The following CCDC83 variants were observed in gnomAD, a reference collection of about 807,000 sequenced individuals.
CCDC83 encodes the protein coiled-coil domain containing 83.
In CCDC83, 54 loss-of-function variants were observed where a neutral mutation model predicts 50.1. The observed-to-expected ratio is 1.08, with a 90% CI of 0.87 to 1.35. CCDC83 has a LOEUF of 1.35. Ranked by LOEUF, CCDC83 falls within the 40% of genes most tolerant of loss-of-function variation. The pLI is 0.00. For synonymous variants in CCDC83, 161 were observed against 153.3 expected (o/e 1.05, Z -0.37); for missense variants, 518 against 473.9 (o/e 1.09, Z -0.86).
intron 3 of CCDC83, 132 bp from the exon 4 acceptor site, chr11:85,882,381 T>C (rs1042801184): frequency 1.3e-6 from 1 of 741,530 alleles, no homozygotes; most frequent in Non-Finnish European, 2.3e-6. Context: ...TAATGTCTGA[T>C]GGAAGTAGAA....
At chr11:85,905,015 T>C (rs541294240) in intron 7 of CCDC83, among the ~76,000 whole-genome samples, 2 of 152,348 alleles carry the variant, frequency 1.3e-5, no homozygotes, top group African/African-American at 4.8e-5. Flanking sequence ...TTTTTAAGGC[T>C]GGGCATGTTG....
intron 2 of CCDC83, among the ~76,000 whole-genome samples, chr11:85,871,192 A>G (rs920589197): frequency 1.2e-4 from 19 of 152,144 alleles, no homozygotes; most frequent in African/African-American, 4.6e-4. Context: ...CAAACAAACA[A>G]TCTCTATAAT....
intron 5 of CCDC83, among the ~76,000 whole-genome samples, chr11:85,894,383 T>G (rs2135075930): frequency 6.6e-6 from 1 of 152,302 alleles, no homozygotes; most frequent in Non-Finnish European, 1.5e-5. Context: ...AAAGCACAAC[T>G]AATGGGAACA....
chr11:85,865,278 CT>C, intron 2 of CCDC83, 60 bp downstream of exon 2: 3 of 1,011,804 alleles, frequency 3.0e-6, no homozygotes, highest in Non-Finnish European at 4.7e-6. Flanking sequence ...ATTGTTAAGA[CT>C]CATATAACTG....
chr11:85,902,041 G>C (rs1172082307), intron 7 of CCDC83, among the ~76,000 whole-genome samples: 1 of 150,718 alleles, frequency 6.6e-6, no homozygotes, highest in Non-Finnish European at 1.5e-5. Flanking sequence ...AAAAAAGAAA[G>C]AAAAAAAGGG....
chr11:85,865,029 T>C, intron 1 of CCDC83, 67 bp from the exon 2 acceptor site: 1 of 779,612 alleles, frequency 1.3e-6, no homozygotes, highest in South Asian at 1.5e-5. Flanking sequence ...GTACCTTATC[T>C]AGAGTAAACA....
intron 7 of CCDC83, among the ~76,000 whole-genome samples, chr11:85,907,429 A>G (rs2093430693): frequency 6.6e-6 from 1 of 152,248 alleles, no homozygotes; most frequent in African/African-American, 2.4e-5. Flanking sequence ...CAAGGAAATT[A>G]CCATCAGGAT....
chr11:85,870,975 T>C (rs1486754032), intron 2 of CCDC83, among the ~76,000 whole-genome samples: 1 of 152,146 alleles, frequency 6.6e-6, no homozygotes, highest in Non-Finnish European at 1.5e-5. Context: ...AAGACCAGCC[T>C]GGCCAACATG....
chr11:85,891,162 G>T (rs1166884240), intron 5 of CCDC83, among the ~76,000 whole-genome samples: 1 of 152,128 alleles, frequency 6.6e-6, no homozygotes, highest in African/African-American at 2.4e-5. Flanking sequence ...ACTTCCCACA[G>T]AACAGTCCTT....
intron 1 of CCDC83, among the ~76,000 whole-genome samples, chr11:85,861,338 T>G (rs1164837946): frequency 3.3e-5 from 5 of 152,236 alleles, no homozygotes; most frequent in Non-Finnish European, 7.3e-5. Context: ...CCTTACAGTT[T>G]ATAGCTGAGA....
At position 85,865,223 on chromosome 11, in the gene CCDC83, G is replaced by C; in HGVS notation, c.95+5G>C. 6.4e-7 allele frequency: 1 copy of C among 1,552,076 alleles called. No individual in the cohort carries two copies. The highest frequency in any genetic ancestry group is 8.9e-7 in the Non-Finnish European group (1 of 1,124,858). Reference sequence around the variant, plus strand: ...TGAAGCACTTCTAGACTATCAGTAAGTTTTTATTCTGAAATCTGAAAGTTG... The same window carrying C: ...TGAAGCACTTCTAGACTATCAGTAACTTTTTATTCTGAAATCTGAAAGTTG... On this transcript the variant is annotated splice_donor_5th_base_variant and intron_variant, in intron 2 of 10. Coordinates refer to ENST00000342404, the MANE Select transcript of CCDC83 (RefSeq NM_001286159.2).
intron 2 of CCDC83, among the ~76,000 whole-genome samples, chr11:85,867,109 G>A (rs2093211826): frequency 6.6e-6 from 1 of 152,190 alleles, no homozygotes; most frequent in African/African-American, 2.4e-5. Flanking sequence ...AGGCTGGAGT[G>A]TAGTAGCCTG....
intron 2 of CCDC83, among the ~76,000 whole-genome samples, chr11:85,869,261 C>T (rs1273486752): frequency 6.6e-6 from 1 of 152,170 alleles, no homozygotes; most frequent in Non-Finnish European, 1.5e-5. Context: ...AACATAAGGT[C>T]ATGAACTTCT....
intron 10 of CCDC83, among the ~76,000 whole-genome samples, chr11:85,917,192 G>A (rs200201564): frequency 0.017 from 1,324 of 79,646 alleles, 13 homozygotes; most frequent in East Asian, 0.053. Flanking sequence ...AAGAAAGAAA[G>A]AGAAAGAAAG....
At chr11:85,860,397 C>A (rs1365824307) in intron 1 of CCDC83, among the ~76,000 whole-genome samples, 1 of 151,396 alleles carries the variant, frequency 6.6e-6, no homozygotes, top group South Asian at 2.1e-4. Flanking sequence ...AAAAAATGCT[C>A]ATCATCACTA....
intron 10 of CCDC83, among the ~76,000 whole-genome samples, chr11:85,918,663 A>G (rs2093494042): frequency 6.6e-6 from 1 of 152,214 alleles, no homozygotes; most frequent in African/African-American, 2.4e-5. Flanking sequence ...CCTGGGAGAA[A>G]AAAAACCCAC....
At chr11:85,884,689 A>G (rs2093318107) in intron 4 of CCDC83, among the ~76,000 whole-genome samples, 1 of 152,200 alleles carries the variant, frequency 6.6e-6, no homozygotes, top group South Asian at 2.1e-4. Flanking sequence ...ATGTGTTACT[A>G]GAAGGGAAGG....
At position 85,915,433 on chromosome 11, in the gene CCDC83, C is replaced by T. The variant is rs1238785329; in HGVS notation, c.809C>T (p.Thr270Ile). ...TGTTCTTTTAGGCGACTATATCTTA[C>T]CCAAGCTGCTGGACTAGAAGTGCCA... is the stretch of plus-strand genomic sequence containing the variant. The part of the protein sequence containing the change: ...DLKIPRRLYL[T>I]QAAGLEVPPE... Residue 270 changes from threonine to isoleucine, a missense_variant, in exon 9 of 11, where the codon ACC becomes ATC. By Grantham distance (89) the Thr-to-Ile change is moderately conservative. Coordinates refer to ENST00000342404, the MANE Select transcript of CCDC83 (RefSeq NM_001286159.2). 21 of 1,612,532 alleles carry T rather than the reference C, an allele frequency of 1.3e-5. No homozygotes were observed. Among genetic ancestry groups the T allele is most frequent in the East Asian group, 2.2e-5 (1 of 44,860 alleles).
intron 5 of CCDC83, among the ~76,000 whole-genome samples, chr11:85,890,087 C>A (rs1292407278): frequency 6.6e-6 from 1 of 152,144 alleles, no homozygotes; most frequent in Non-Finnish European, 1.5e-5. Flanking sequence ...AAGGTAATTC[C>A]TCCTCCATCT....
Sources: allele counts gnomAD v4.1 joint callset (sites outside exome capture counted in the v4.1 genomes callset), GRCh38; gene constraint gnomAD v4.1.1; transcripts MANE v1.5; gene names NCBI Gene and HGNC (gene_info 2026-07-23, HGNC 2026-07-21).